The following UNC5C variants were observed in gnomAD, a reference collection of about 807,000 sequenced individuals.
The protein encoded by UNC5C is unc-5 netrin receptor C, also known as netrin receptor UNC5C.
Under a neutral mutation model 99.8 loss-of-function variants are expected in UNC5C, and 47 were observed. That is an observed-to-expected ratio of 0.47 (90% CI 0.37 to 0.60). The LOEUF is 0.60. Ranked by LOEUF, UNC5C falls within the 20% of genes least tolerant of loss-of-function variation. The pLI is 0.00. For missense variants in UNC5C, 1,062 were observed against 1,165.9 expected, an observed-to-expected ratio of 0.91 and a Z score of 1.30; for synonymous variants, 487 against 452.2, an observed-to-expected ratio of 1.08 and a Z score of -0.98.
Position 95,226,595 on chromosome 4 carries a change from G to A in UNC5C, c.1109-6419C>T, listed in dbSNP as rs117554434. Among the ~76,000 whole-genome samples, 139 of 152,290 alleles carry A rather than the reference G, an allele frequency of 9.1e-4. 1 individual carries two copies. In the East Asian group the frequency reaches 0.019, roughly 21 times the overall value. The stretch of plus-strand genomic sequence containing the variant: ...TCCCCAGTTATTACATAGACAGGGA[G>A]CCCAGTTTTTCAGAGAAGCCGTATG... On this transcript the variant is annotated intron_variant, in intron 7 of 15. Transcript: ENST00000453304.
chr4:95,405,934 T>G (rs973681190), intron 1 of UNC5C, among the ~76,000 whole-genome samples: 15 of 152,230 alleles, frequency 9.9e-5, no homozygotes, highest in African/African-American at 3.6e-4. Context: ...GAATCAACTG[T>G]CATCAATAGG....
At chr4:95,396,309 C>T (rs76876059) in intron 1 of UNC5C, among the ~76,000 whole-genome samples, 8,936 of 152,130 alleles carry the variant, frequency 0.059, 591 homozygotes, top group African/African-American at 0.16. Context: ...CACTTTAAAG[C>T]AAAGGTGTTA....
intron 6 of UNC5C, among the ~76,000 whole-genome samples, chr4:95,242,833 A>G (rs74590670): frequency 0.027 from 4,161 of 152,288 alleles, 77 homozygotes; most frequent in African/African-American, 0.046. Flanking sequence ...TGACTGAGAC[A>G]TACAAAATCC....
At chr4:95,197,980 CTTT>C (rs1211335596) in intron 12 of UNC5C, among the ~76,000 whole-genome samples, 33 of 119,914 alleles carry the variant, frequency 2.8e-4, no homozygotes, top group African/African-American at 5.8e-4. Context: ...GAGCCTCTCC[CTTT>C]TTTTTTTTTT....
At chr4:95,338,930 GA>G (rs1743451488) in intron 1 of UNC5C, among the ~76,000 whole-genome samples, 1 of 152,028 alleles carries the variant, frequency 6.6e-6, no homozygotes, top group Non-Finnish European at 1.5e-5. Context: ...TAAGAATTCT[GA>G]GATTGTGACA....
At chr4:95,174,447 T>A (rs1210576069) in intron 14 of UNC5C, among the ~76,000 whole-genome samples, 1 of 152,254 alleles carries the variant, frequency 6.6e-6, no homozygotes, top group Non-Finnish European at 1.5e-5. Flanking sequence ...GTTGTGTCTT[T>A]GTTCTCGTTG....
chr4:95,476,619 C>A (rs1748155967), intron 1 of UNC5C, among the ~76,000 whole-genome samples: 1 of 152,004 alleles, frequency 6.6e-6, no homozygotes, highest in African/African-American at 2.4e-5. Context: ...ATTGTTCGTT[C>A]TGTTCTGACA....
intron 4 of UNC5C, among the ~76,000 whole-genome samples, chr4:95,260,583 T>C (rs997412551): frequency 6.6e-6 from 1 of 152,172 alleles, no homozygotes; most frequent in African/African-American, 2.4e-5. Context: ...TGGGCTGGTC[T>C]AATGGGAAAG....
At chr4:95,400,536 G>C (rs1361240396) in intron 1 of UNC5C, among the ~76,000 whole-genome samples, 1 of 151,898 alleles carries the variant, frequency 6.6e-6, no homozygotes, top group Non-Finnish European at 1.5e-5. Flanking sequence ...GGGACTACAG[G>C]TGCCCGCCAC....
chr4:95,441,338 A>C (rs973570391), intron 1 of UNC5C, among the ~76,000 whole-genome samples: 3 of 152,206 alleles, frequency 2.0e-5, no homozygotes, highest in Non-Finnish European at 4.4e-5. Context: ...ATGAACTTCA[A>C]ATGAATGCAT....
intron 14 of UNC5C, among the ~76,000 whole-genome samples, chr4:95,180,744 G>T (rs1388569166): frequency 1.3e-5 from 2 of 152,156 alleles, no homozygotes; most frequent in African/African-American, 4.8e-5. Flanking sequence ...GTGGCTGGAG[G>T]GAGGGGCAGC....
At chr4:95,302,352 T>C (rs546682817) in intron 2 of UNC5C, among the ~76,000 whole-genome samples, 1 of 152,366 alleles carries the variant, frequency 6.6e-6, no homozygotes, top group Admixed American at 6.5e-5. Context: ...AATTGTAATA[T>C]ACTAAAACCC....
intron 1 of UNC5C, among the ~76,000 whole-genome samples, chr4:95,429,047 T>C (rs1746559919): frequency 6.6e-6 from 1 of 152,054 alleles, no homozygotes; most frequent in African/African-American, 2.4e-5. Context: ...TCTGTTTGTT[T>C]AAGGAGGGCA....
At chr4:95,536,129 G>A (rs1358848722) in intron 1 of UNC5C, among the ~76,000 whole-genome samples, 1 of 149,860 alleles carries the variant, frequency 6.7e-6, no homozygotes, top group African/African-American at 2.5e-5. Context: ...CCAGGCTGGA[G>A]TGCAATAGCA....
At chr4:95,494,872 C>T (rs1057442249) in intron 1 of UNC5C, among the ~76,000 whole-genome samples, 7 of 151,222 alleles carry the variant, frequency 4.6e-5, no homozygotes, top group Non-Finnish European at 1.0e-4. Context: ...TAATTGAAAA[C>T]ATTAATTGGG....
rs1465899392 is a variant in UNC5C at position 95,163,738 on chromosome 4, G to C, written c.*5496C>G. On this transcript the variant is annotated 3_prime_UTR_variant, in exon 16 of 16. Coordinates refer to ENST00000453304, the MANE Select transcript of UNC5C (RefSeq NM_003728.4). The stretch of plus-strand genomic sequence containing the variant: ...AGGTGGGCAGCTGACTATATCTCAG[G>C]GTAGCTTCCTTGTTTCTACTCAGAA... The C allele has an allele frequency of 6.6e-6, 1 of 152,116 alleles. No homozygotes were observed. The highest frequency in any genetic ancestry group is 1.5e-5 in the Non-Finnish European group (1 of 68,030). 9.4% of individuals were successfully genotyped at this position (152,116 alleles called of 1,614,324 possible). A position where few individuals can be genotyped will look rare whatever the true frequency, so the allele number is the denominator to read the frequency against.
chr4:95,194,157 A>C (rs1737278524), intron 12 of UNC5C, among the ~76,000 whole-genome samples: 1 of 152,134 alleles, frequency 6.6e-6, no homozygotes, highest in African/African-American at 2.4e-5. Flanking sequence ...TTTAAAGCCA[A>C]ATGCCAACGG....
At chr4:95,194,575 G>C (rs916905713) in intron 12 of UNC5C, among the ~76,000 whole-genome samples, 4 of 151,984 alleles carry the variant, frequency 2.6e-5, no homozygotes, top group Non-Finnish European at 5.9e-5. Flanking sequence ...GTCCCCTTCC[G>C]CTGTCTTCAA....
At chr4:95,487,117 G>A (rs1283585159) in intron 1 of UNC5C, among the ~76,000 whole-genome samples, 27 of 151,624 alleles carry the variant, frequency 1.8e-4, no homozygotes, top group Admixed American at 1.6e-3. Flanking sequence ...ATAAATTCAT[G>A]TTCACTATAA....
Sources: allele counts gnomAD v4.1 joint callset (sites outside exome capture counted in the v4.1 genomes callset), GRCh38; gene constraint gnomAD v4.1.1; transcripts MANE v1.5; gene names NCBI Gene and HGNC (gene_info 2026-07-23, HGNC 2026-07-21).